The following TMEM232 variants were observed in gnomAD, a reference collection of about 807,000 sequenced individuals.
TMEM232 encodes transmembrane protein 232.
Under a neutral mutation model 78.8 loss-of-function variants are expected in TMEM232, and 80 were observed. The observed-to-expected ratio is 1.01, with a 90% CI of 0.85 to 1.22. TMEM232 has a LOEUF of 1.22. TMEM232 is among the 50% of genes most tolerant of loss of function. TMEM232 has a pLI of 0.00. For synonymous variants in TMEM232, 297 were observed against 254.3 expected, an observed-to-expected ratio of 1.17 and a Z score of -1.60; for missense variants, 881 against 742.2, an observed-to-expected ratio of 1.19 and a Z score of -2.17.
intron 11 of TMEM232, among the ~76,000 whole-genome samples, chr5:110,546,992 C>A (rs1773858749): frequency 6.6e-6 from 1 of 151,486 alleles, no homozygotes; most frequent in Admixed American, 6.6e-5. Context: ...AAAAAAAACA[C>A]CTCAAATGTA....
At chr5:110,506,275 T>C (rs1766889416) in intron 12 of TMEM232, among the ~76,000 whole-genome samples, 1 of 152,200 alleles carries the variant, frequency 6.6e-6, no homozygotes. Context: ...GGGGTTGTTT[T>C]TGTTTGTTTT....
chr5:110,712,105 CAAAAAAAAAA>C (rs61482697), intron 1 of TMEM232, among the ~76,000 whole-genome samples: 1 of 65,414 alleles, frequency 1.5e-5, no homozygotes, highest in Non-Finnish European at 3.6e-5. Flanking sequence ...GACTCAATCT[CAAAAAAAAAA>C]AAAAAAAAAA....
chr5:110,426,607 C>T (rs1757257701), intron 12 of TMEM232, among the ~76,000 whole-genome samples: 1 of 151,972 alleles, frequency 6.6e-6, no homozygotes. Flanking sequence ...ATGGAAGTTA[C>T]AGGCAACCAG....
chr5:110,438,157 T>C (rs751389701), intron 12 of TMEM232, among the ~76,000 whole-genome samples: 4 of 151,340 alleles, frequency 2.6e-5, no homozygotes, highest in Non-Finnish European at 4.4e-5. Flanking sequence ...AGGTCTGTTT[T>C]TTTCCCTTTT....
Position 110,627,773 on chromosome 5 carries a change from T to C in TMEM232, c.601+8A>G, listed in dbSNP as rs1784608507. On this transcript the variant is annotated splice_region_variant and intron_variant, in intron 6 of 13. Transcript: ENST00000455884. ...CATTTATAAGTGTAAAAATAAAAGA[T>C]ATTCTACCGTATAAATATGGTTGAA... 6.9e-7 allele frequency: 1 copy of C among 1,441,588 alleles called. No individual in the cohort carries two copies. Among genetic ancestry groups the C allele is most frequent in the Non-Finnish European group, 9.3e-7 (1 of 1,076,042 alleles). The allele number at this position is 1,441,588 out of a possible 1,614,324, so 89.3% of individuals were successfully genotyped here. A position where few individuals can be genotyped will look rare whatever the true frequency, so the allele number is the denominator to read the frequency against.
intron 1 of TMEM232, among the ~76,000 whole-genome samples, chr5:110,716,936 A>G (rs1797073188): frequency 6.6e-6 from 1 of 152,198 alleles, no homozygotes; most frequent in African/African-American, 2.4e-5. Context: ...AATTACAAAA[A>G]GCCAATGCAC....
rs552497159 is a variant in TMEM232 at position 110,455,472 on chromosome 5, C to A, written c.1704-30556G>T. On this transcript the variant is annotated intron_variant, in intron 12 of 13. Coordinates refer to ENST00000455884, the MANE Select transcript of TMEM232 (RefSeq NM_001039763.4). The stretch of plus-strand genomic sequence containing the variant: ...GGCTCACTGCAAGCTCCACCTCTTG[C>A]GTTCAAGCCATTCTCCTGCCTCAGC... Among the ~76,000 whole-genome samples the A allele has an allele frequency of 1.9e-4, 29 of 151,628 alleles. No homozygotes were observed. In the East Asian group the frequency reaches 5.1e-3, roughly 27 times the overall value.
intron 2 of TMEM232, among the ~76,000 whole-genome samples, chr5:110,659,265 C>G (rs1202898280): frequency 1.3e-5 from 2 of 152,048 alleles, no homozygotes; most frequent in Admixed American, 6.6e-5. Context: ...TCCCCTCTTC[C>G]TAACCTCAGG....
At chr5:110,689,309 C>G (rs1353622215) in intron 1 of TMEM232, among the ~76,000 whole-genome samples, 1 of 152,056 alleles carries the variant, frequency 6.6e-6, no homozygotes, top group Admixed American at 6.6e-5. Context: ...TACAGAAATA[C>G]TATTTATTGC....
chr5:110,673,372 G>A lies in TMEM232; in HGVS notation c.-12-6008C>T, dbSNP rs543609346. On this transcript the variant is annotated intron_variant, in intron 1 of 13. Transcript: ENST00000455884. ...AATGTTAAATGACGAGTTAATGGGT[G>A]CAGCACACCAACATGGCACATGTAT... Among the ~76,000 whole-genome samples the A allele has an allele frequency of 1.5e-4, 23 of 151,874 alleles. No individual in the cohort carries two copies. The South Asian group carries it at 2.9e-3, about 19-fold the overall frequency.
intron 2 of TMEM232, among the ~76,000 whole-genome samples, chr5:110,646,071 A>T (rs1007984440): frequency 2.6e-5 from 4 of 151,624 alleles, no homozygotes; most frequent in Non-Finnish European, 4.4e-5. Flanking sequence ...GAAAACACAG[A>T]AAAAAAGACC....
chr5:110,392,317 A>G lies in TMEM232; in HGVS notation n.391-1677T>C, dbSNP rs563918936. Among the ~76,000 whole-genome samples the G allele has an allele frequency of 1.9e-4, 29 of 152,348 alleles. No individual in the cohort carries two copies. In the South Asian group the frequency reaches 6.0e-3, roughly 32 times the overall value. On this transcript the variant is annotated intron_variant and non_coding_transcript_variant, in intron 3 of 8. Coordinates refer to the TMEM232 transcript ENST00000507188. ...GTAAAAGGAGCCAATGAGCAAAAGGAACAAGGCAAGCCTAAGAAATCAAGC... is the reference window on the plus strand; with the variant it reads ...GTAAAAGGAGCCAATGAGCAAAAGGGACAAGGCAAGCCTAAGAAATCAAGC...
chr5:110,497,512 A>G (rs1397591560), intron 12 of TMEM232, among the ~76,000 whole-genome samples: 1 of 152,168 alleles, frequency 6.6e-6, no homozygotes, highest in Non-Finnish European at 1.5e-5. Context: ...TTGTATACCA[A>G]TCAAACATGT....
chr5:110,683,757 T>C (rs1447778091), intron 1 of TMEM232, among the ~76,000 whole-genome samples: 2 of 151,964 alleles, frequency 1.3e-5, no homozygotes, highest in South Asian at 2.1e-4. Flanking sequence ...AGGGTACTTA[T>C]TGGGAAATAT....
intron 11 of TMEM232, among the ~76,000 whole-genome samples, chr5:110,533,774 T>C (rs1355481346): frequency 6.6e-6 from 1 of 151,996 alleles, no homozygotes; most frequent in African/African-American, 2.4e-5. Context: ...TTCCCCACAT[T>C]TCCTTCTTCC....
intron 1 of TMEM232, among the ~76,000 whole-genome samples, chr5:110,677,427 G>C (rs1400275968): frequency 6.6e-6 from 1 of 152,094 alleles, no homozygotes; most frequent in Admixed American, 6.5e-5. Flanking sequence ...GATAGTAAAT[G>C]AAAGTTATTT....
chr5:110,545,631 C>T (rs1773674172), intron 11 of TMEM232, among the ~76,000 whole-genome samples: 1 of 151,900 alleles, frequency 6.6e-6, no homozygotes, highest in South Asian at 2.1e-4. Context: ...ACTGTTGTTT[C>T]TTCTGTTTTG....
intron 10 of TMEM232, among the ~76,000 whole-genome samples, chr5:110,570,283 T>A (rs1424481762): frequency 3.9e-5 from 6 of 151,998 alleles, no homozygotes; most frequent in Non-Finnish European, 7.4e-5. Flanking sequence ...TGAATGGCAT[T>A]AATATTTTTG....
chr5:110,535,941 A>C (rs1486282947), intron 11 of TMEM232, among the ~76,000 whole-genome samples: 1 of 152,180 alleles, frequency 6.6e-6, no homozygotes, highest in Non-Finnish European at 1.5e-5. Flanking sequence ...CTCTCCTTGC[A>C]ACCCCCACTT....
Sources: gnomAD v4.1 joint callset for allele counts (sites outside exome capture counted in the v4.1 genomes callset) on GRCh38, gnomAD v4.1.1 for gene constraint, MANE v1.5 for transcripts, NCBI Gene and HGNC (gene_info 2026-07-23, HGNC 2026-07-21) for gene names.